Variants in ZFHX3 observed in about 807,000 individuals in gnomAD.
ZFHX3 encodes the protein zinc finger homeobox 3.
In ZFHX3, 42 loss-of-function variants were observed where a neutral mutation model predicts 279.1. The observed-to-expected ratio is 0.15, with a 90% CI of 0.12 to 0.19. ZFHX3 has a LOEUF of 0.19. Ranked by LOEUF, ZFHX3 falls within the 10% of genes least tolerant of loss-of-function variation. ZFHX3 has a pLI of 1.00. For synonymous variants in ZFHX3, 2,293 were observed against 1,957.8 expected (o/e 1.17, Z -4.52); for missense variants, 4,981 against 4,754.0 (o/e 1.05, Z -1.40).
At position 72,787,258 on chromosome 16, in the gene ZFHX3, T is replaced by C. The variant is rs940806115; in HGVS notation, c.11018A>G (p.Asp3673Gly). The change falls in exon 10 of 10, where the codon GAC (aspartate) becomes GGC (glycine). Residue 3673 changes from aspartate (D) to glycine (G), a missense_variant. Transcript: ENST00000268489. ...ACCCTCCACCGGGCTCGCCGGTCCG[T>C]CGGACTTTTGGCTGAGATCCGTGTC... ...ESDTDLSQKS[D>G]GPASPVEGPK... 2 of 1,613,988 alleles carry C rather than the reference T, an allele frequency of 1.2e-6. No individual in the cohort carries two copies. The highest frequency in any genetic ancestry group is 1.7e-6 in the Non-Finnish European group (2 of 1,180,046).
At chr16:73,294,619 T>G (rs965138585) in intron 4 of ZFHX3, among the ~76,000 whole-genome samples, 1 of 151,748 alleles carries the variant, frequency 6.6e-6, no homozygotes, top group South Asian at 2.1e-4. Flanking sequence ...GAGACCAGCC[T>G]GGCCAACATG....
At position 72,957,804 on chromosome 16, in the gene ZFHX3, G is replaced by A. The variant is rs201821212; in HGVS notation, c.2342C>T (p.Ala781Val). 1.0e-4 allele frequency: 163 copies of A among 1,591,082 alleles called. 1 individual carries two copies. Among genetic ancestry groups the A allele is most frequent in the African/African-American group, 5.2e-4 (39 of 74,464 alleles). ...GAAAAAVAAA[A>V]AAANISSSCG... ...GGAGCTACTGATATTGGCTGCCGCC[G>A]CCGCCGCAGCCACCGCCGCCGCCGC... Residue 781 changes from alanine (A) to valine (V), a missense_variant, in exon 2 of 10, where the codon GCG (alanine) becomes GTG (valine). Ala to Val is a moderately conservative substitution (Grantham distance 64). This residue lies in a region of ZFHX3 where 1,751 missense variants were observed against 1,770.0 expected (regional missense o/e 0.99). Coordinates refer to ENST00000268489, the MANE Select transcript of ZFHX3 (RefSeq NM_006885.4).
intron 1 of ZFHX3, among the ~76,000 whole-genome samples, chr16:73,811,446 T>TTTC (rs1245348936): frequency 6.8e-6 from 1 of 147,412 alleles, no homozygotes; most frequent in African/African-American, 2.5e-5. Flanking sequence ...TTCTTTTTTT[T>TTTC]TTTTTTTTTT....
chr16:73,117,998 G>T (rs529291890), intron 7 of ZFHX3, among the ~76,000 whole-genome samples: 10 of 152,292 alleles, frequency 6.6e-5, no homozygotes, highest in African/African-American at 2.4e-4. Flanking sequence ...AGAGTTGTTT[G>T]TTATGGCAGC....
chr16:73,772,133 C>A (rs934040442), intron 1 of ZFHX3, among the ~76,000 whole-genome samples: 3 of 152,142 alleles, frequency 2.0e-5, no homozygotes, highest in African/African-American at 7.2e-5. Flanking sequence ...CCACCTCCAC[C>A]CCCTCGCCAC....
At chr16:73,814,895 C>T (rs1257951059) in intron 1 of ZFHX3, among the ~76,000 whole-genome samples, 2 of 152,120 alleles carry the variant, frequency 1.3e-5, no homozygotes, top group Non-Finnish European at 2.9e-5. Context: ...AAAAGTAAAG[C>T]TCTCATCCCA....
intron 1 of ZFHX3, among the ~76,000 whole-genome samples, chr16:73,756,573 C>CCCT (rs773970501): frequency 0.014 from 2,082 of 152,292 alleles, 21 homozygotes; most frequent in Middle Eastern, 0.031. Flanking sequence ...GGAGACCAAG[C>CCCT]TGACCTTGGC....
Position 73,652,664 on chromosome 16 carries a change from G to A in ZFHX3, c.-1547+27516C>T, listed in dbSNP as rs953135783. ...TTGAAAGGGAGTAAATGAAGTTAAC[G>A]TGTTAAAGGTATTGATTAGCTGGAG... On this transcript the variant is annotated intron_variant, in intron 2 of 17. Coordinates refer to the ZFHX3 transcript ENST00000641206. Among the ~76,000 whole-genome samples the A allele has an allele frequency of 3.9e-5, 6 of 152,134 alleles. No homozygotes were observed. The East Asian group carries it at 5.8e-4, about 15-fold the overall frequency.
rs754873299 is a variant in ZFHX3, at chr16:72,794,635, G to A, written c.8047C>T (p.Arg2683Cys). Residue 2683 changes from arginine to cysteine, a missense_variant, in exon 9 of 10, where the codon CGT becomes TGT. Arg to Cys is a radical substitution (Grantham distance 180). This residue lies in a region of ZFHX3 where 744 missense variants were observed against 701.3 expected (regional missense o/e 1.06). Coordinates refer to ENST00000268489, the MANE Select transcript of ZFHX3 (RefSeq NM_006885.4). The surrounding 1 kb of genome is among the most constrained non-coding windows in gnomAD (Gnocchi z 4.2). ...HIAHEVGLKK[R>C]VVQVWFQNTR... ...TTCTGAAACCAGACTTGTACCACAC[G>A]TTTCTTCAAGCCCACCTCGTGTGCA... The A allele has an allele frequency of 1.9e-6, 3 of 1,614,078 alleles. No individual in the cohort carries two copies. Among genetic ancestry groups the A allele is most frequent in the South Asian group, 1.1e-5 (1 of 91,090 alleles).
chr16:73,018,291 C>T (rs1023437983), intron 1 of ZFHX3, among the ~76,000 whole-genome samples: 1 of 151,014 alleles, frequency 6.6e-6, no homozygotes, highest in African/African-American at 2.4e-5. Flanking sequence ...CACGCCTGGC[C>T]ATGGTTTTGA....
chr16:73,354,468 T>C (rs1004414412), intron 3 of ZFHX3, among the ~76,000 whole-genome samples: 3 of 152,214 alleles, frequency 2.0e-5, no homozygotes, highest in African/African-American at 7.2e-5. Context: ...TGCCCAGCTC[T>C]GTGCTGGGGG....
intron 1 of ZFHX3, among the ~76,000 whole-genome samples, chr16:73,749,452 T>G (rs538488406): frequency 6.6e-6 from 1 of 152,264 alleles, no homozygotes; most frequent in African/African-American, 2.4e-5. Context: ...TTCTCATAAT[T>G]TATTACAGCT....
chr16:73,394,239 G>GT (rs67840840), intron 3 of ZFHX3, among the ~76,000 whole-genome samples: 2,486 of 136,168 alleles, frequency 0.018, 49 homozygotes, highest in African/African-American at 0.052. Context: ...TTTGTTTTCT[G>GT]TTTTTTTTTT....
intron 2 of ZFHX3, among the ~76,000 whole-genome samples, chr16:73,572,101 C>T (rs1237562761): frequency 6.6e-6 from 1 of 151,278 alleles, no homozygotes; most frequent in Non-Finnish European, 1.5e-5. Flanking sequence ...GAGAATAATT[C>T]CCTAATGCCA....
chr16:73,673,833 G>A (rs1352287266), intron 2 of ZFHX3, among the ~76,000 whole-genome samples: 2 of 152,078 alleles, frequency 1.3e-5, no homozygotes, highest in African/African-American at 2.4e-5. Flanking sequence ...GAAGCTCCAT[G>A]AAAACTAGGA....
intron 7 of ZFHX3, among the ~76,000 whole-genome samples, chr16:73,129,806 A>G (rs1209282676): frequency 6.6e-6 from 1 of 151,974 alleles, no homozygotes; most frequent in Non-Finnish European, 1.5e-5. Flanking sequence ...GGCTAAGGAG[A>G]GTGTGCTCAG....
intron 2 of ZFHX3, among the ~76,000 whole-genome samples, chr16:73,519,064 T>C (rs1378494036): frequency 6.6e-6 from 1 of 152,192 alleles, no homozygotes; most frequent in African/African-American, 2.4e-5. Context: ...TGTAAACATT[T>C]CCAAGCTCAT....
At chr16:73,346,602 G>C (rs1051646334) in intron 3 of ZFHX3, among the ~76,000 whole-genome samples, 1 of 152,224 alleles carries the variant, frequency 6.6e-6, no homozygotes, top group Non-Finnish European at 1.5e-5. Context: ...CACTGGAGTA[G>C]CTGGGACTAC....
At chr16:72,851,160 G>A (rs2037607256) in intron 4 of ZFHX3, among the ~76,000 whole-genome samples, 2 of 152,152 alleles carry the variant, frequency 1.3e-5, no homozygotes, top group East Asian at 3.9e-4. Flanking sequence ...AGAGTCCTGA[G>A]CAGACAGGGC....
Sources: allele counts gnomAD v4.1 joint callset (sites outside exome capture counted in the v4.1 genomes callset), GRCh38; gene constraint gnomAD v4.1.1; regional missense constraint gnomAD v4.1.1; non-coding constraint Gnocchi (gnomAD v3.1); transcripts MANE v1.5; gene names NCBI Gene and HGNC (gene_info 2026-07-23, HGNC 2026-07-21).